The following ZNF639 variants were observed in gnomAD, a reference collection of about 807,000 sequenced individuals.
The protein encoded by ZNF639 is zinc finger amplified in esophageal squamous cell carcinomas 1.
In ZNF639, 20 loss-of-function variants were observed where a neutral mutation model predicts 39.8. The observed-to-expected ratio is 0.50, with a 90% CI of 0.35 to 0.73. The LOEUF (loss-of-function observed/expected upper bound fraction) is 0.73. ZNF639 is among the 30% of genes least tolerant of loss of function. ZNF639 has a pLI of 0.00. For synonymous variants in ZNF639, 176 were observed against 189.8 expected (o/e 0.93, Z 0.60); for missense variants, 477 against 566.2 (o/e 0.84, Z 1.60).
intron 4 of ZNF639, among the ~76,000 whole-genome samples, chr3:179,331,903 T>C (rs995767188): frequency 4.6e-5 from 7 of 151,976 alleles, no homozygotes; most frequent in African/African-American, 1.5e-4. Context: ...TAAGAAGTGA[T>C]GAAAATGGCA....
chr3:179,329,257 A>G (rs1351336921), intron 3 of ZNF639, among the ~76,000 whole-genome samples: 1 of 152,136 alleles, frequency 6.6e-6, no homozygotes, highest in Non-Finnish European at 1.5e-5. Flanking sequence ...CATTTCCCCT[A>G]TGTAACAACC....
At chr3:179,332,135 A>G (rs1286229995) in intron 4 of ZNF639, among the ~76,000 whole-genome samples, 2 of 152,188 alleles carry the variant, frequency 1.3e-5, no homozygotes, top group Admixed American at 6.5e-5. Context: ...TTAAAAACTA[A>G]GGGCATTTAG....
At position 179,335,634 on chromosome 3, in the gene ZNF639, A is replaced by C. The variant is rs1711506529; in HGVS notation, c.*1212A>C. 6.6e-6 allele frequency: 1 copy of C among 152,202 alleles called. No homozygotes were observed. Among genetic ancestry groups the C allele is most frequent in the Admixed American group, 6.5e-5 (1 of 15,276 alleles). The allele number at this position is 152,202 out of a possible 1,614,324, so 9.4% of individuals were successfully genotyped here. A position where few individuals can be genotyped will look rare whatever the true frequency, so the allele number is the denominator to read the frequency against. On this transcript the variant is annotated 3_prime_UTR_variant, in exon 6 of 6. Coordinates refer to ENST00000496856, the MANE Select transcript of ZNF639 (RefSeq NM_001303426.2). The stretch of plus-strand genomic sequence containing the variant: ...CACAGTTGTGAAGGCCAGACATTCA[A>C]AATGGAGTTATTGGCAGTTGGTTCC...
chr3:179,335,211 C>G lies in ZNF639; in HGVS notation c.*789C>G, dbSNP rs1728152622. ...GGCTCGAGCAATCCTCCCACTTCAC[C>G]CTCCTGCATAGCTAGGACTACAGGC... On this transcript the variant is annotated 3_prime_UTR_variant, in exon 6 of 6. Transcript: ENST00000496856. The G allele has an allele frequency of 6.6e-6, 1 of 152,186 alleles. No individual in the cohort carries two copies. Among genetic ancestry groups the G allele is most frequent in the Non-Finnish European group, 1.5e-5 (1 of 68,070 alleles). The allele number at this position is 152,186 out of a possible 1,614,324, so 9.4% of individuals were successfully genotyped here. A position where few individuals can be genotyped will look rare whatever the true frequency, so the allele number is the denominator to read the frequency against.
chr3:179,331,970 AAAAG>A (rs1186152813), intron 4 of ZNF639, among the ~76,000 whole-genome samples: 4 of 152,268 alleles, frequency 2.6e-5, no homozygotes, highest in South Asian at 4.1e-4. Flanking sequence ...CATTTTAAAA[AAAAG>A]AAAGCAGACA....
intron 1 of ZNF639, among the ~76,000 whole-genome samples, chr3:179,325,505 C>T (rs1727535910): frequency 6.6e-6 from 1 of 152,194 alleles, no homozygotes; most frequent in Non-Finnish European, 1.5e-5. Context: ...GTTTCCACAT[C>T]AGTAAAAATG....
chr3:179,331,554 A>G (rs867294566), intron 4 of ZNF639, among the ~76,000 whole-genome samples: 72 of 152,052 alleles, frequency 4.7e-4, no homozygotes, highest in Middle Eastern at 3.4e-3. Context: ...TGAGGCAGGC[A>G]GATCACCTGA....
chr3:179,324,875 A>G (rs1300606022), intron 1 of ZNF639: 1 of 152,240 alleles, frequency 6.6e-6, no homozygotes, highest in Non-Finnish European at 1.5e-5. Context: ...CTTTTAGAGT[A>G]TTTAGAACAT....
At chr3:179,330,076 C>T (rs983500823) in intron 4 of ZNF639, 2 of 162,308 alleles carry the variant, frequency 1.2e-5, no homozygotes, top group African/African-American at 4.8e-5. Context: ...CCACGCTCAA[C>T]TAATTTTTGT....
chr3:179,328,266 T>A lies in ZNF639; in HGVS notation c.-11-17T>A, dbSNP rs1209086173. On this transcript the variant is annotated splice_polypyrimidine_tract_variant and intron_variant, in intron 2 of 5. Transcript: ENST00000496856. ...TGTTATTTGTGACATATTTGTTAAT[T>A]TTTTCTCGTTTTTTAGATTGAAAAG... The A allele has an allele frequency of 2.8e-6, 4 of 1,429,568 alleles. No individual in the cohort carries two copies. Among genetic ancestry groups the A allele is most frequent in the Non-Finnish European group, 3.9e-6 (4 of 1,033,520 alleles). The allele number at this position is 1,429,568 out of a possible 1,614,324, so 88.6% of individuals were successfully genotyped here. A position where few individuals can be genotyped will look rare whatever the true frequency, so the allele number is the denominator to read the frequency against.
At chr3:179,325,402 C>T (rs1008692650) in intron 1 of ZNF639, 5 of 152,218 alleles carry the variant, frequency 3.3e-5, no homozygotes, top group African/African-American at 9.7e-5. Context: ...TTCCCCTTCT[C>T]CCAACTGGTA....
chr3:179,328,066 G>C (rs532044914), intron 2 of ZNF639: 2 of 365,090 alleles, frequency 5.5e-6, no homozygotes, highest in East Asian at 1.0e-4. Context: ...TTTAACCTCC[G>C]TAAGAAAGAA....
chr3:179,334,436 C>G lies in ZNF639; in HGVS notation c.*14C>G. 1 of 1,490,398 alleles carries G rather than the reference C, an allele frequency of 6.7e-7. No homozygotes were observed. The highest frequency in any genetic ancestry group is 8.9e-7 in the Non-Finnish European group (1 of 1,120,560). The allele number at this position is 1,490,398 out of a possible 1,614,324, so 92.3% of individuals were successfully genotyped here. ...GAGACAACTTGATTATTCTCTTTAA[C>G]TTACAGAATGTTAGTTTAAAATAAT... On this transcript the variant is annotated 3_prime_UTR_variant, in exon 6 of 6. Coordinates refer to ENST00000496856, the MANE Select transcript of ZNF639 (RefSeq NM_001303426.2).
intron 3 of ZNF639, among the ~76,000 whole-genome samples, chr3:179,328,698 T>C (rs1727733307): frequency 6.6e-6 from 1 of 152,230 alleles, no homozygotes; most frequent in East Asian, 1.9e-4. Flanking sequence ...GTAGAAAATA[T>C]TTTACATTAT....
At chr3:179,331,329 T>C (rs9839544) in intron 4 of ZNF639, among the ~76,000 whole-genome samples, 4,163 of 152,284 alleles carry the variant, frequency 0.027, 190 homozygotes, top group African/African-American at 0.096. Flanking sequence ...TTCCAAATTA[T>C]TAGACTTCAT....
intron 1 of ZNF639, chr3:179,325,114 C>T (rs1227751044): frequency 6.6e-6 from 1 of 152,192 alleles, no homozygotes; most frequent in Non-Finnish European, 1.5e-5. Flanking sequence ...CTCCGCCTCC[C>T]GGATTCAAGC....
intron 4 of ZNF639, 26 bp from the exon 5 acceptor site, chr3:179,332,963 G>A: frequency 1.3e-6 from 2 of 1,525,484 alleles, no homozygotes; most frequent in Middle Eastern, 1.7e-4. Context: ...TAAATAATAA[G>A]TATTCTTCCA....
At chr3:179,329,576 GTATGTT>G in intron 3 of ZNF639, 36 bp from the exon 4 acceptor site, 1 of 1,119,584 alleles carries the variant, frequency 8.9e-7, no homozygotes, top group African/African-American at 1.6e-5. Flanking sequence ...CATTAAATAT[GTATGTT>G]TACTGTACTT....
Position 179,334,103 on chromosome 3 carries a change from G to A in ZNF639, c.1139G>A (p.Gly380Asp). The A allele has an allele frequency of 6.2e-7, 1 of 1,613,848 alleles. No homozygotes were observed. Residue 380 changes from glycine to aspartate, a missense_variant, in exon 6 of 6, where the codon GGT becomes GAT. Gly to Asp is a moderately conservative substitution (Grantham distance 94). Coordinates refer to ENST00000496856, the MANE Select transcript of ZNF639 (RefSeq NM_001303426.2). ...CKNFFVCQVC[G>D]FRSRLHTNVN... ...AACTTCTTTGTATGTCAAGTATGTG[G>A]TTTTCGGAGTAGACTTCACACAAAT...
Sources: allele counts gnomAD v4.1 joint callset (sites outside exome capture counted in the v4.1 genomes callset), GRCh38; gene constraint gnomAD v4.1.1; transcripts MANE v1.5; gene names NCBI Gene and HGNC (gene_info 2026-07-23, HGNC 2026-07-21).